Variants in CUX1 observed in about 807,000 individuals in gnomAD.
The protein encoded by CUX1 is protein CASP.
In CUX1, 31 loss-of-function variants were observed where a neutral mutation model predicts 158.8. That is an observed-to-expected ratio of 0.20 (90% CI 0.15 to 0.26). CUX1 has a LOEUF of 0.26. Ranked by LOEUF, CUX1 falls within the 10% of genes least tolerant of loss-of-function variation. The pLI is 1.00. For missense variants in CUX1, 1,589 were observed against 2,014.6 expected (o/e 0.79, Z 4.04); for synonymous variants, 879 against 862.1 (o/e 1.02, Z -0.34).
At chr7:102,230,448 G>A (rs1798838069) in intron 21 of CUX1, among the ~76,000 whole-genome samples, 1 of 149,022 alleles carries the variant, frequency 6.7e-6, no homozygotes, top group Admixed American at 6.8e-5. Flanking sequence ...TGGCATCACT[G>A]CACTCCAGCC....
intron 23 of CUX1, among the ~76,000 whole-genome samples, chr7:102,241,477 C>T (rs1165661871): frequency 6.6e-6 from 1 of 152,110 alleles, no homozygotes; most frequent in Non-Finnish European, 1.5e-5. Flanking sequence ...CCCAGCTGTG[C>T]ACATGACACA....
intron 11 of CUX1, among the ~76,000 whole-genome samples, chr7:102,188,988 C>T (rs1793966094): frequency 1.3e-5 from 2 of 152,126 alleles, no homozygotes; most frequent in African/African-American, 4.8e-5. Flanking sequence ...TCAGGGCCCT[C>T]CCCGCAGGAC....
Position 101,869,593 on chromosome 7 carries a change from T to C in CUX1, c.31-46522T>C, listed in dbSNP as rs972136190. 6.6e-6 allele frequency among the ~76,000 whole-genome samples: 1 copy of C among 151,982 alleles called. No homozygotes were observed. The highest frequency in any genetic ancestry group is 2.4e-5 in the African/African-American group (1 of 41,358). ...GGGCGGGGGAGGGAAACCAGCACGT[T>C]AGAAGGTCAGCCAAGGTCAGGCGGC... On this transcript the variant is annotated intron_variant, in intron 1 of 23. Coordinates refer to ENST00000292535, the MANE Select transcript of CUX1 (RefSeq NM_181552.4). The surrounding 1 kb of genome is among the most constrained non-coding windows in gnomAD (Gnocchi z 4.5).
chr7:102,012,705 C>T (rs1030828809), intron 2 of CUX1, among the ~76,000 whole-genome samples: 4 of 127,820 alleles, frequency 3.1e-5, no homozygotes, highest in South Asian at 2.4e-4. Flanking sequence ...AGAGTGGGGG[C>T]GGGGGGAGGG....
chr7:102,103,240 C>T (rs1829972383), intron 5 of CUX1, among the ~76,000 whole-genome samples: 1 of 152,200 alleles, frequency 6.6e-6, no homozygotes. Flanking sequence ...CAGCCCATGA[C>T]CACCAGAGTG....
intron 2 of CUX1, among the ~76,000 whole-genome samples, chr7:101,952,937 C>G (rs1189067951): frequency 6.6e-6 from 1 of 152,224 alleles, no homozygotes; most frequent in Non-Finnish European, 1.5e-5. Context: ...GACATTTTAT[C>G]CGTCTGTTTA....
Position 102,249,476 on chromosome 7 carries a change from C to T in CUX1, c.*434C>T. 1.0e-6 allele frequency: 1 copy of T among 986,010 alleles called. No individual in the cohort carries two copies. The highest frequency in any genetic ancestry group is 4.7e-5 in the South Asian group (1 of 21,290). The allele number at this position is 986,010 out of a possible 1,614,324, so 61.1% of individuals were successfully genotyped here. A position where few individuals can be genotyped will look rare whatever the true frequency, so the allele number is the denominator to read the frequency against. On this transcript the variant is annotated 3_prime_UTR_variant, in exon 24 of 24. Transcript: ENST00000292535. ...ATGTGTGGTCGAGCTTTTTTGTACC[C>T]TGAAGTGTTTTTTTTATTGCCCTAA...
intron 2 of CUX1, among the ~76,000 whole-genome samples, chr7:101,996,659 CTCCCTCCA>C (rs1456144216): frequency 1.7e-4 from 26 of 149,602 alleles, no homozygotes; most frequent in African/African-American, 5.7e-4. Context: ...CCCTCCCTCC[CTCCCTCCA>C]TCCATCCTTC....
At chr7:102,237,046 G>A (rs1229512606) in intron 22 of CUX1, among the ~76,000 whole-genome samples, 7 of 152,206 alleles carry the variant, frequency 4.6e-5, no homozygotes, top group South Asian at 2.1e-4. Flanking sequence ...CTGGTCAGTC[G>A]TCTGTCCCCT....
intron 8 of CUX1, among the ~76,000 whole-genome samples, chr7:102,142,068 G>C (rs938773957): frequency 3.5e-4 from 53 of 152,112 alleles, no homozygotes; most frequent in African/African-American, 1.0e-3. Flanking sequence ...TTGAGCCCAT[G>C]CACCACTGCG....
chr7:102,254,936 T>C lies in CUX1; in HGVS notation c.*5894T>C, dbSNP rs554058318. 1.0e-6 allele frequency: 1 copy of C among 985,260 alleles called. No homozygotes were observed. 61.0% of individuals were successfully genotyped at this position (985,260 alleles called of 1,614,324 possible). ...GGGAAAAGGGGAAGCAGGTACCCAA[T>C]AAAGTTTAGAAAGATCCAGTCTGTG... is the stretch of plus-strand genomic sequence containing the variant. On this transcript the variant is annotated 3_prime_UTR_variant, in exon 24 of 24. Transcript: ENST00000292535.
intron 2 of CUX1, among the ~76,000 whole-genome samples, chr7:101,990,491 C>T (rs1814961965): frequency 1.3e-5 from 2 of 152,234 alleles, no homozygotes; most frequent in Non-Finnish European, 2.9e-5. Flanking sequence ...ATTCTCCTGC[C>T]TCAGCCTCCC....
At chr7:102,202,259 A>G (rs1795526260) in intron 18 of CUX1, 55 bp downstream of exon 18, 1 of 1,539,816 alleles carries the variant, frequency 6.5e-7, no homozygotes, top group African/African-American at 1.4e-5. Flanking sequence ...CTTGCTGAGG[A>G]CCAAGTATCT....
chr7:102,042,487 T>G (rs997812065), intron 3 of CUX1, among the ~76,000 whole-genome samples: 1 of 152,184 alleles, frequency 6.6e-6, no homozygotes, highest in Non-Finnish European at 1.5e-5. Flanking sequence ...CTTTGAAATA[T>G]TTTTCCAGCT....
At chr7:102,211,193 C>G (rs1404194269) in intron 20 of CUX1, among the ~76,000 whole-genome samples, 2 of 152,142 alleles carry the variant, frequency 1.3e-5, no homozygotes, top group African/African-American at 4.8e-5. Context: ...CACCTGTAAT[C>G]CCAGCCCTTT....
chr7:102,220,093 G>A (rs539434381), intron 20 of CUX1, among the ~76,000 whole-genome samples: 28 of 152,328 alleles, frequency 1.8e-4, no homozygotes, highest in Admixed American at 1.8e-3. Flanking sequence ...GGCACAGTGG[G>A]ATCACACCTG....
Position 102,251,638 on chromosome 7 carries a change from C to T in CUX1, c.*2596C>T, listed in dbSNP as rs1801517202. 1.0e-6 allele frequency: 1 copy of T among 985,368 alleles called. No individual in the cohort carries two copies. Among genetic ancestry groups the T allele is most frequent in the African/African-American group, 1.7e-5 (1 of 57,318 alleles). 61.0% of individuals were successfully genotyped at this position (985,368 alleles called of 1,614,324 possible). ...GTCAACATCTAGCTCGATTCAGGTG[C>T]ATTGAGAAGAGTGAGTTCACATCGG... On this transcript the variant is annotated 3_prime_UTR_variant, in exon 24 of 24. Coordinates refer to ENST00000292535, the MANE Select transcript of CUX1 (RefSeq NM_181552.4).
chr7:101,963,872 G>A (rs1248739350), intron 2 of CUX1, among the ~76,000 whole-genome samples: 9 of 151,742 alleles, frequency 5.9e-5, no homozygotes, highest in South Asian at 2.1e-4. Context: ...GGCTGGTTGC[G>A]AACTCCTTAC....
chr7:102,057,257 C>T (rs1824277060), intron 3 of CUX1, among the ~76,000 whole-genome samples: 1 of 152,192 alleles, frequency 6.6e-6, no homozygotes, highest in African/African-American at 2.4e-5. Context: ...TCAACAAGAG[C>T]TCTGGTGGAG....
Sources: allele counts gnomAD v4.1 joint callset (sites outside exome capture counted in the v4.1 genomes callset), GRCh38; gene constraint gnomAD v4.1.1; non-coding constraint Gnocchi (gnomAD v3.1); transcripts MANE v1.5; gene names NCBI Gene and HGNC (gene_info 2026-07-23, HGNC 2026-07-21).